OSBP2: variants seen among roughly 807,000 people sequenced by gnomAD.
OSBP2 encodes the protein oxysterol-binding protein 2.
Under a neutral mutation model 96.0 loss-of-function variants are expected in OSBP2, and 66 were observed. The ratio of observed to expected loss-of-function variants is 0.69; its 90% CI spans 0.56 to 0.84. The LOEUF (loss-of-function observed/expected upper bound fraction) is 0.84. Ranked by LOEUF, OSBP2 falls within the 40% of genes least tolerant of loss-of-function variation. OSBP2 has a pLI of 0.00. For synonymous variants in OSBP2, 525 were observed against 520.9 expected (o/e 1.01, Z -0.11); for missense variants, 1,038 against 1,222.7 (o/e 0.85, Z 2.25).
At chr22:30,895,606 C>T (rs976473184) in intron 12 of OSBP2, among the ~76,000 whole-genome samples, 5 of 151,710 alleles carry the variant, frequency 3.3e-5, no homozygotes, top group Non-Finnish European at 7.4e-5. Context: ...TCCTTAGGCA[C>T]GCAGCCTCGG....
intron 3 of OSBP2, among the ~76,000 whole-genome samples, chr22:30,878,704 T>C (rs1265000048): frequency 6.6e-6 from 1 of 152,154 alleles, no homozygotes; most frequent in Non-Finnish European, 1.5e-5. Flanking sequence ...TCTTGGTCCC[T>C]GGGTTTACCA....
chr22:30,816,982 G>A, intron 2 of OSBP2, among the ~76,000 whole-genome samples: 1 of 152,070 alleles, frequency 6.6e-6, no homozygotes, highest in South Asian at 2.1e-4. Flanking sequence ...TGGTCCGGCC[G>A]CCTCAGCCTT....
intron 2 of OSBP2, chr22:30,822,837 C>T: frequency 2.6e-6 from 2 of 767,256 alleles, no homozygotes; most frequent in Non-Finnish European, 3.8e-6. Context: ...GCGTGGGGAG[C>T]GCGGGGAGCC....
At chr22:30,854,773 G>A (rs777133812) in intron 2 of OSBP2, among the ~76,000 whole-genome samples, 1 of 152,114 alleles carries the variant, frequency 6.6e-6, no homozygotes, top group Non-Finnish European at 1.5e-5. Context: ...CTCTTATGGA[G>A]TAAGTGTACT....
At chr22:30,898,539 T>C (rs1261080545) in intron 12 of OSBP2, among the ~76,000 whole-genome samples, 1 of 151,978 alleles carries the variant, frequency 6.6e-6, no homozygotes, top group Non-Finnish European at 1.5e-5. Flanking sequence ...TGGCGTAAGG[T>C]GAAGGAGAAG....
rs564917837 is a variant in OSBP2 at position 30,838,828 on chromosome 22, G to A, written c.854-31601G>A. On this transcript the variant is annotated intron_variant, in intron 2 of 13. Coordinates refer to ENST00000332585, the MANE Select transcript of OSBP2 (RefSeq NM_030758.4). ...GGTTTTTTGTTGTTGTTGTTGTTTC[G>A]TTTTGTTTTTTTTTATTATTATTAT... 8.0e-5 allele frequency among the ~76,000 whole-genome samples: 12 copies of A among 149,808 alleles called. No individual in the cohort carries two copies. In the South Asian group the frequency reaches 8.5e-4, roughly 11 times the overall value.
intron 1 of OSBP2, among the ~76,000 whole-genome samples, chr22:30,705,355 G>A (rs972836388): frequency 2.6e-5 from 4 of 151,896 alleles, no homozygotes; most frequent in South Asian, 2.1e-4. Flanking sequence ...GTGCAGTGGC[G>A]CGATCTCAGC....
chr22:30,744,744 G>C (rs2089977701), intron 2 of OSBP2, among the ~76,000 whole-genome samples: 1 of 152,084 alleles, frequency 6.6e-6, no homozygotes, highest in South Asian at 2.1e-4. Context: ...CTGGGCAACA[G>C]AGTGAGACTC....
chr22:30,711,738 T>TC (rs1460408036), intron 1 of OSBP2, among the ~76,000 whole-genome samples: 1 of 90,630 alleles, frequency 1.1e-5, no homozygotes, highest in African/African-American at 3.8e-5. Flanking sequence ...AGACCCTATC[T>TC]CAAAAAAAAA....
chr22:30,767,563 C>T (rs1360710643), intron 2 of OSBP2, among the ~76,000 whole-genome samples: 5 of 136,804 alleles, frequency 3.7e-5, no homozygotes, highest in Non-Finnish European at 7.9e-5. Context: ...TTTTTTTTAA[C>T]ATAACCAAAG....
At chr22:30,900,401 C>T (rs5997805) in intron 12 of OSBP2, among the ~76,000 whole-genome samples, 212 of 151,716 alleles carry the variant, frequency 1.4e-3, no homozygotes, top group African/African-American at 4.7e-3. Context: ...ATAATGTTCA[C>T]GGATAGAAAG....
At position 30,907,066 on chromosome 22, in the gene OSBP2, A is replaced by G. The variant is rs1297624109; in HGVS notation, c.*727A>G. The G allele has an allele frequency of 6.6e-6, 1 of 152,616 alleles. No homozygotes were observed. Among genetic ancestry groups the G allele is most frequent in the African/African-American group, 2.4e-5 (1 of 41,466 alleles). The allele number at this position is 152,616 out of a possible 1,614,324, so 9.5% of individuals were successfully genotyped here. A position where few individuals can be genotyped will look rare whatever the true frequency, so the allele number is the denominator to read the frequency against. ...GTAACCCCCATGTGGATTTGAGGGC[A>G]GCAGTCCCTGGCCTCACCCTAGCCA... On this transcript the variant is annotated 3_prime_UTR_variant, in exon 14 of 14. Transcript: ENST00000332585.
At chr22:30,741,067 G>C (rs1366119830) in intron 1 of OSBP2, 94 bp from the exon 2 acceptor site, 3 of 969,608 alleles carry the variant, frequency 3.1e-6, no homozygotes, top group Non-Finnish European at 4.7e-6. Flanking sequence ...AGCTCTGAGG[G>C]TCTGAGATTC....
chr22:30,727,349 T>G (rs1351079120), intron 1 of OSBP2, among the ~76,000 whole-genome samples: 4 of 152,158 alleles, frequency 2.6e-5, no homozygotes, highest in Admixed American at 2.6e-4. Flanking sequence ...CTGTGGCCAG[T>G]GCCCAAGTAC....
chr22:30,890,956 C>A lies in OSBP2; in HGVS notation c.1852C>A (p.Arg618Ser), dbSNP rs779479198. The change falls in exon 8 of 14, where the codon CGC becomes AGC. Residue 618 changes from arginine to serine, a missense_variant. Physicochemically the swap from Arg to Ser is moderately radical, Grantham distance 110 (BLOSUM62 -1). Transcript: ENST00000332585. The surrounding 1 kb of genome is among the most constrained non-coding windows in gnomAD (Gnocchi z 4.4). ...ELDRLDDMGL[R>S]SLCEQVSHHP... ...GGACCGCCTCGACGACATGGGCCTG[C>A]GCTCCCTCTGTGAGCAGGTGAGGGG... 4 of 1,608,676 alleles carry A rather than the reference C, an allele frequency of 2.5e-6. No individual in the cohort carries two copies. The highest frequency in any genetic ancestry group is 3.4e-6 in the Non-Finnish European group (4 of 1,179,984).
At position 30,890,464 on chromosome 22, in the gene OSBP2, C is replaced by T. The variant is rs1373016805; in HGVS notation, c.1624-264C>T. On this transcript the variant is annotated intron_variant, in intron 7 of 13. Transcript: ENST00000332585. The surrounding 1 kb of genome is among the most constrained non-coding windows in gnomAD (Gnocchi z 4.4). Reference sequence around the variant, plus strand: ...CCCCTGGCCTTGGTGGGTGTCCATCCGAGCAGAGGAGAGCAACAGTGAACA... The same window carrying T: ...CCCCTGGCCTTGGTGGGTGTCCATCTGAGCAGAGGAGAGCAACAGTGAACA... 6.6e-6 allele frequency among the ~76,000 whole-genome samples: 1 copy of T among 152,180 alleles called. No individual in the cohort carries two copies. Among genetic ancestry groups the T allele is most frequent in the Non-Finnish European group, 1.5e-5 (1 of 68,022 alleles).
chr22:30,864,435 G>A (rs1381661395), intron 2 of OSBP2, among the ~76,000 whole-genome samples: 3 of 152,128 alleles, frequency 2.0e-5, no homozygotes, highest in Non-Finnish European at 2.9e-5. Context: ...GCGTGTGTGC[G>A]GCGTGGCTCA....
At chr22:30,725,836 C>G (rs370206689) in intron 1 of OSBP2, among the ~76,000 whole-genome samples, 1 of 150,756 alleles carries the variant, frequency 6.6e-6, no homozygotes, top group Non-Finnish European at 1.5e-5. Context: ...GTCACCCAGG[C>G]TGAGTGCAGT....
Position 30,773,939 on chromosome 22 carries a change from C to T in OSBP2, c.853+32570C>T, listed in dbSNP as rs866080032. On this transcript the variant is annotated intron_variant, in intron 2 of 13. Transcript: ENST00000332585. ...AGTCACCATATTAGCCCTCCAGCTG[C>T]TGCCATTTGTGTGAAGCGCAGTGGG... Among the ~76,000 whole-genome samples the T allele has an allele frequency of 3.9e-5, 6 of 152,292 alleles. 1 individual carries two copies. Among genetic ancestry groups the T allele is most frequent in the Middle Eastern group, 6.8e-3 (2 of 294 alleles).
Sources: allele counts gnomAD v4.1 joint callset (sites outside exome capture counted in the v4.1 genomes callset), GRCh38; gene constraint gnomAD v4.1.1; non-coding constraint Gnocchi (gnomAD v3.1); transcripts MANE v1.5; gene names NCBI Gene and HGNC (gene_info 2026-07-23, HGNC 2026-07-21).